The following OXCT1 variants were observed in gnomAD, a reference collection of about 807,000 sequenced individuals.
OXCT1 encodes the protein succinyl-CoA:3-ketoacid coenzyme A transferase 1, mitochondrial.
In OXCT1, 27 loss-of-function variants were observed where a neutral mutation model predicts 69.6. The ratio of observed to expected loss-of-function variants is 0.39; its 90% confidence interval spans 0.29 to 0.54. The LOEUF (loss-of-function observed/expected upper bound fraction) is 0.54, where lower values mean the gene tolerates loss of function less well. Ranked by LOEUF, OXCT1 falls within the 20% of genes least tolerant of loss-of-function variation. The pLI is 0.72. For missense variants in OXCT1, 437 were observed against 650.2 expected (o/e 0.67, Z 3.57); for synonymous variants, 202 against 217.8 (o/e 0.93, Z 0.64).
intron 5 of OXCT1, among the ~76,000 whole-genome samples, chr5:41,845,594 A>G (rs1052505723): frequency 3.9e-5 from 6 of 152,224 alleles, no homozygotes; most frequent in African/African-American, 1.4e-4. Context: ...AGAATTAAGA[A>G]ATAAATTATC....
At chr5:41,828,046 C>T (rs146952833) in intron 7 of OXCT1, among the ~76,000 whole-genome samples, 21 of 152,294 alleles carry the variant, frequency 1.4e-4, no homozygotes, top group Non-Finnish European at 2.9e-4. Context: ...ACTAGTCAGG[C>T]TGGAGAAGAT....
At chr5:41,829,552 C>T (rs1204749010) in intron 7 of OXCT1, among the ~76,000 whole-genome samples, 1 of 152,156 alleles carries the variant, frequency 6.6e-6, no homozygotes, top group Admixed American at 6.5e-5. Context: ...TCTCGCATTA[C>T]TGCAGCATTG....
chr5:41,732,063 A>T (rs1166212844), intron 16 of OXCT1, among the ~76,000 whole-genome samples: 2 of 152,172 alleles, frequency 1.3e-5, no homozygotes, highest in Non-Finnish European at 2.9e-5. Context: ...GATCCCAATA[A>T]CCAAGCCCCC....
At chr5:41,813,697 G>C (rs1244447470) in intron 7 of OXCT1, among the ~76,000 whole-genome samples, 2 of 151,590 alleles carry the variant, frequency 1.3e-5, no homozygotes, top group Non-Finnish European at 2.9e-5. Context: ...TACTAAAAGA[G>C]GTGACAAAAA....
intron 7 of OXCT1, among the ~76,000 whole-genome samples, chr5:41,828,533 A>C (rs1379809991): frequency 2.0e-5 from 3 of 152,174 alleles, no homozygotes; most frequent in Admixed American, 1.3e-4. Context: ...TAATTATATC[A>C]TATTAATGTC....
chr5:41,735,663 C>T (rs1742849957), intron 16 of OXCT1, among the ~76,000 whole-genome samples: 1 of 152,228 alleles, frequency 6.6e-6, no homozygotes, highest in Non-Finnish European at 1.5e-5. Context: ...ATACAAGGCT[C>T]TACCAATAGC....
chr5:41,744,993 G>A (rs535591632), intron 15 of OXCT1, among the ~76,000 whole-genome samples: 10 of 151,996 alleles, frequency 6.6e-5, no homozygotes, highest in Middle Eastern at 3.4e-3. Flanking sequence ...ACACATCAAC[G>A]AGACAGAAAG....
chr5:41,825,986 G>A (rs1328642263), intron 7 of OXCT1, among the ~76,000 whole-genome samples: 1 of 152,168 alleles, frequency 6.6e-6, no homozygotes, highest in Non-Finnish European at 1.5e-5. Context: ...GAGATAAAAT[G>A]GGTCATTAAC....
In OXCT1 at chr5:41,854,177, C is replaced by CA. The variant is rs11355215; in HGVS notation, c.279-624dup. On this transcript the variant is annotated intron_variant, in intron 3 of 16. Transcript: ENST00000196371. ...TTTACACATTCTTAACAAAAACAAG[C>CA]AAAAAAAAAATTAATCACAAGCCAG... Among the ~76,000 whole-genome samples the CA allele has an allele frequency of 3.2e-3, 473 of 148,716 alleles. 2 individuals carry two copies. Among genetic ancestry groups the CA allele is most frequent in the South Asian group, 4.5e-3 (21 of 4,718 alleles).
Position 41,828,871 on chromosome 5 carries a change from G to A in OXCT1, c.732+11580C>T, listed in dbSNP as rs182667724. Among the ~76,000 whole-genome samples, 40 of 152,302 alleles carry A rather than the reference G, an allele frequency of 2.6e-4. 1 individual carries two copies. In the East Asian group the frequency reaches 7.1e-3, roughly 27 times the overall value. On this transcript the variant is annotated intron_variant, in intron 7 of 16. Coordinates refer to ENST00000196371, the MANE Select transcript of OXCT1 (RefSeq NM_000436.4). ...AGGATTAAATAATATTTTAGGCTTT[G>A]CAGGGTACACACTGTTACATACTTT...
intron 13 of OXCT1, among the ~76,000 whole-genome samples, chr5:41,782,114 C>CT (rs71608624): frequency 0.24 from 32,686 of 137,032 alleles, 3,759 homozygotes; most frequent in Middle Eastern, 0.36. Flanking sequence ...TTGCCAGCAT[C>CT]TTTTTTTTTT....
At chr5:41,774,470 T>C (rs1745028947) in intron 13 of OXCT1, among the ~76,000 whole-genome samples, 1 of 152,140 alleles carries the variant, frequency 6.6e-6, no homozygotes, top group Non-Finnish European at 1.5e-5. Context: ...AAATATAAGA[T>C]GAGCATCTTG....
At chr5:41,845,720 T>A (rs1053683280) in intron 5 of OXCT1, among the ~76,000 whole-genome samples, 1 of 152,188 alleles carries the variant, frequency 6.6e-6, no homozygotes, top group South Asian at 2.1e-4. Context: ...CGAGGTGAAT[T>A]AATTTTTCAA....
chr5:41,777,640 A>G (rs1745193708), intron 13 of OXCT1, among the ~76,000 whole-genome samples: 1 of 152,210 alleles, frequency 6.6e-6, no homozygotes, highest in Non-Finnish European at 1.5e-5. Flanking sequence ...AATTTTGTTA[A>G]GAAGCACACA....
rs1375101612 is a variant in OXCT1, at chr5:41,731,018, C to G, written c.*711G>C. 1.3e-5 allele frequency: 2 copies of G among 152,156 alleles called. 1 individual carries two copies. The highest frequency in any genetic ancestry group is 2.9e-5 in the Non-Finnish European group (2 of 68,054). The allele number at this position is 152,156 out of a possible 1,614,324, so 9.4% of individuals were successfully genotyped here. A position where few individuals can be genotyped will look rare whatever the true frequency, so the allele number is the denominator to read the frequency against. On this transcript the variant is annotated 3_prime_UTR_variant, in exon 17 of 17. Coordinates refer to ENST00000196371, the MANE Select transcript of OXCT1 (RefSeq NM_000436.4). ...AATAACAGAAGTATTCTCAAGGACC[C>G]TTGAGGATACAAAGGAATACTGGGC...
intron 15 of OXCT1, among the ~76,000 whole-genome samples, chr5:41,748,267 G>C (rs956449474): frequency 8.6e-5 from 13 of 151,910 alleles, no homozygotes; most frequent in African/African-American, 3.1e-4. Context: ...TCAAGTGGGA[G>C]CTATGACAGG....
chr5:41,744,018 A>C (rs1301539009), intron 15 of OXCT1, among the ~76,000 whole-genome samples: 1 of 152,112 alleles, frequency 6.6e-6, no homozygotes, highest in East Asian at 1.9e-4. Context: ...GCTGTGAAGA[A>C]AGTCATTGGT....
chr5:41,746,648 C>T (rs1364588264), intron 15 of OXCT1, among the ~76,000 whole-genome samples: 1 of 152,058 alleles, frequency 6.6e-6, no homozygotes, highest in Non-Finnish European at 1.5e-5. Flanking sequence ...ATGTTAATGA[C>T]ACCCGCAAGT....
chr5:41,800,506 A>C (rs1472200986), intron 11 of OXCT1, among the ~76,000 whole-genome samples: 7 of 151,344 alleles, frequency 4.6e-5, no homozygotes, highest in African/African-American at 1.7e-4. Context: ...TCTCCACCCA[A>C]CCAGGTTGCT....
Sources: gnomAD v4.1 joint callset for allele counts (sites outside exome capture counted in the v4.1 genomes callset) on GRCh38, gnomAD v4.1.1 for gene constraint, MANE v1.5 for transcripts, NCBI Gene and HGNC (gene_info 2026-07-23, HGNC 2026-07-21) for gene names.